Variants in ST8SIA6 observed in about 807,000 individuals in gnomAD.
ST8SIA6 encodes the protein alpha-2,8-sialyltransferase 8F.
ST8SIA6 carries 39 observed loss-of-function variants against 33.6 expected under a neutral mutation model. The observed-to-expected ratio is 1.16, with a 90% CI of 0.90 to 1.52. The LOEUF (loss-of-function observed/expected upper bound fraction) is 1.52, where lower values mean the gene tolerates loss of function less well. Among genes scored for constraint, ST8SIA6 ranks in the 40% most tolerant of loss-of-function variants. ST8SIA6 has a pLI of 0.00. For missense variants in ST8SIA6, 441 were observed against 443.8 expected (o/e 0.99, Z 0.06); for synonymous variants, 172 against 167.2 (o/e 1.03, Z -0.22).
At chr10:17,414,480 C>CT (rs907065231) in intron 2 of ST8SIA6, among the ~76,000 whole-genome samples, 2 of 152,170 alleles carry the variant, frequency 1.3e-5, no homozygotes, top group Non-Finnish European at 2.9e-5. Flanking sequence ...CTAAAAATCT[C>CT]TAAGTTTCTG....
chr10:17,420,685 A>G (rs1851755285), intron 2 of ST8SIA6, among the ~76,000 whole-genome samples: 1 of 152,100 alleles, frequency 6.6e-6, no homozygotes, highest in African/African-American at 2.4e-5. Context: ...GATGGCCCAC[A>G]CTGGATCCTT....
chr10:17,395,074 C>T (rs1049030558), intron 2 of ST8SIA6, among the ~76,000 whole-genome samples: 2 of 152,068 alleles, frequency 1.3e-5, no homozygotes, highest in East Asian at 1.9e-4. Context: ...AATTGAATCA[C>T]GGGGGGCAGT....
At position 17,418,146 on chromosome 10, in the gene ST8SIA6, G is replaced by C. The variant is rs896387178; in HGVS notation, c.201-27526C>G. ...CGATCAAAGCTCACTGCAGCCTGGA[G>C]CTCCTGGTCTCAAGCAATCCTCCCA... On this transcript the variant is annotated intron_variant, in intron 2 of 7. Transcript: ENST00000377602. Among the ~76,000 whole-genome samples, 16 of 152,258 alleles carry C rather than the reference G, an allele frequency of 1.1e-4. No homozygotes were observed. The East Asian group carries it at 3.1e-3, about 29-fold the overall frequency.
chr10:17,372,695 T>C (rs11254560), intron 3 of ST8SIA6, among the ~76,000 whole-genome samples: 27,544 of 152,256 alleles, frequency 0.18, 2,641 homozygotes, highest in South Asian at 0.22. Context: ...TAAAGGATTA[T>C]GAACTGAGTA....
intron 4 of ST8SIA6, among the ~76,000 whole-genome samples, chr10:17,335,871 T>G (rs1032148849): frequency 3.9e-5 from 6 of 152,200 alleles, no homozygotes; most frequent in African/African-American, 1.4e-4. Flanking sequence ...TCTAAGGATA[T>G]TCAATGCCCT....
At chr10:17,403,369 C>T (rs1308333783) in intron 2 of ST8SIA6, 2 of 152,182 alleles carry the variant, frequency 1.3e-5, no homozygotes, top group African/African-American at 4.8e-5. Context: ...AGCATCTGTG[C>T]CTCATTTCAC....
chr10:17,351,486 T>TA (rs1213523581), intron 4 of ST8SIA6, among the ~76,000 whole-genome samples: 4 of 146,248 alleles, frequency 2.7e-5, no homozygotes, highest in African/African-American at 1.0e-4. Flanking sequence ...CACCATCACA[T>TA]ACTAGATGAA....
chr10:17,381,434 T>C (rs1338712052), intron 3 of ST8SIA6, among the ~76,000 whole-genome samples: 1 of 151,920 alleles, frequency 6.6e-6, no homozygotes, highest in Non-Finnish European at 1.5e-5. Flanking sequence ...GTACACAATG[T>C]TTCACTAGTA....
At position 17,381,264 on chromosome 10, in the gene ST8SIA6, G is replaced by T. The variant is rs1850142198; in HGVS notation, c.290+9267C>A. 2.6e-5 allele frequency among the ~76,000 whole-genome samples: 4 copies of T among 152,108 alleles called. 1 individual carries two copies. The South Asian group carries it at 8.3e-4, about 32-fold the overall frequency. On this transcript the variant is annotated intron_variant, in intron 3 of 7. Coordinates refer to ENST00000377602, the MANE Select transcript of ST8SIA6 (RefSeq NM_001004470.3). ...TCATCTGAGTTGTTTCCTTTAATGT[G>T]CAAACTTAAGGCTATTTAGCTGACA... is the stretch of plus-strand genomic sequence containing the variant.
At chr10:17,426,266 T>TC (rs1267073731) in intron 2 of ST8SIA6, among the ~76,000 whole-genome samples, 1 of 152,142 alleles carries the variant, frequency 6.6e-6, no homozygotes, top group African/African-American at 2.4e-5. Flanking sequence ...GTGCTGGGTG[T>TC]CATGTGTCTA....
chr10:17,373,392 A>G (rs1177502626), intron 3 of ST8SIA6, among the ~76,000 whole-genome samples: 1 of 152,196 alleles, frequency 6.6e-6, no homozygotes, highest in African/African-American at 2.4e-5. Context: ...ATAAATATGC[A>G]TAACTTTTCC....
At chr10:17,339,127 C>G (rs1224994743) in intron 4 of ST8SIA6, among the ~76,000 whole-genome samples, 2 of 147,438 alleles carry the variant, frequency 1.4e-5, no homozygotes, top group Admixed American at 6.7e-5. Context: ...TTTTTTTTCA[C>G]TGTAGGTGCT....
intron 2 of ST8SIA6, among the ~76,000 whole-genome samples, chr10:17,445,806 GTGGTGGATACTGGGACAGCC>G (rs1852685959): frequency 1.3e-5 from 2 of 152,186 alleles, no homozygotes; most frequent in Admixed American, 1.3e-4. Context: ...TAGGAAGAGG[GTGGTGGATACTGGGACAGCC>G]TGGTGGACCC....
At chr10:17,413,258 T>C (rs567255767) in intron 2 of ST8SIA6, 39 of 152,188 alleles carry the variant, frequency 2.6e-4, no homozygotes, top group African/African-American at 8.7e-4. Flanking sequence ...TATTATCTTT[T>C]CTTCTCCTCT....
intron 2 of ST8SIA6, among the ~76,000 whole-genome samples, chr10:17,446,791 G>T (rs1048388614): frequency 6.6e-6 from 1 of 151,862 alleles, no homozygotes; most frequent in East Asian, 1.9e-4. Flanking sequence ...GGCTGGGAGC[G>T]GTGGCTCATG....
At chr10:17,422,000 GACTAT>G (rs1456172905) in intron 2 of ST8SIA6, among the ~76,000 whole-genome samples, 17 of 151,956 alleles carry the variant, frequency 1.1e-4, no homozygotes, top group African/African-American at 3.6e-4. Flanking sequence ...ATTTATTATA[GACTAT>G]ACTATAGATT....
chr10:17,440,079 G>A (rs1176803653), intron 2 of ST8SIA6, among the ~76,000 whole-genome samples: 1 of 152,156 alleles, frequency 6.6e-6, no homozygotes, highest in Non-Finnish European at 1.5e-5. Flanking sequence ...TGGGATTCAG[G>A]ATGACAGTGC....
At chr10:17,358,303 C>T (rs1849261934) in intron 4 of ST8SIA6, among the ~76,000 whole-genome samples, 1 of 152,020 alleles carries the variant, frequency 6.6e-6, no homozygotes, top group South Asian at 2.1e-4. Context: ...CATATTCTGA[C>T]TAAAGAAGGA....
intron 2 of ST8SIA6, among the ~76,000 whole-genome samples, chr10:17,448,912 G>A (rs558522939): frequency 6.0e-5 from 9 of 150,352 alleles, no homozygotes; most frequent in South Asian, 4.2e-4. Context: ...GAGCCATTGC[G>A]CCCGGCCGGC....
Sources: allele counts gnomAD v4.1 joint callset (sites outside exome capture counted in the v4.1 genomes callset), GRCh38; gene constraint gnomAD v4.1.1; transcripts MANE v1.5; gene names NCBI Gene and HGNC (gene_info 2026-07-23, HGNC 2026-07-21).